IGSF21: variants seen among roughly 807,000 people sequenced by gnomAD.
The protein encoded by IGSF21 is immunoglobulin superfamily member 21.
IGSF21 carries 28 observed loss-of-function variants against 46.8 expected under a neutral mutation model. The observed-to-expected ratio is 0.60, with a 90% CI of 0.44 to 0.82. The LOEUF is 0.82. Ranked by LOEUF, IGSF21 falls within the 40% of genes least tolerant of loss-of-function variation. The pLI is 0.00. For missense variants in IGSF21, 624 were observed against 665.5 expected (o/e 0.94, Z 0.69); for synonymous variants, 284 against 273.6 (o/e 1.04, Z -0.38).
At chr1:18,319,291 A>AC (rs113595941) in intron 3 of IGSF21, among the ~76,000 whole-genome samples, 1 of 152,084 alleles carries the variant, frequency 6.6e-6, no homozygotes, top group Non-Finnish European at 1.5e-5. Flanking sequence ...AAAAGGACAC[A>AC]CCCCCTCCTA....
At chr1:18,177,607 C>G (rs1156785132) in intron 1 of IGSF21, among the ~76,000 whole-genome samples, 1 of 151,962 alleles carries the variant, frequency 6.6e-6, no homozygotes, top group Non-Finnish European at 1.5e-5. Flanking sequence ...AACACACTTA[C>G]TGATGTGGTG....
Position 18,108,087 on chromosome 1 carries a change from C to A in IGSF21, c.-42C>A. 1 of 1,023,288 alleles carries A rather than the reference C, an allele frequency of 9.8e-7. No individual in the cohort carries two copies. The highest frequency in any genetic ancestry group is 1.8e-5 in the South Asian group (1 of 55,330). 63.4% of individuals were successfully genotyped at this position (1,023,288 alleles called of 1,614,324 possible). A position where few individuals can be genotyped will look rare whatever the true frequency, so the allele number is the denominator to read the frequency against. On this transcript the variant is annotated 5_prime_UTR_variant, in exon 1 of 10. Coordinates refer to ENST00000251296, the MANE Select transcript of IGSF21 (RefSeq NM_032880.5). ...GCGAGGGGACCCGCCGCCACCGCCT[C>A]CACCCCCGCCGCCCCGCCACCGCCG...
rs188453325 is a variant in IGSF21, at chr1:18,189,719, G to A, written c.71-38179G>A. Among the ~76,000 whole-genome samples, 301 of 152,232 alleles carry A rather than the reference G, an allele frequency of 2.0e-3. 1 individual carries two copies. The highest frequency in any genetic ancestry group is 3.4e-3 in the Non-Finnish European group (228 of 68,016). On this transcript the variant is annotated intron_variant, in intron 1 of 9. Coordinates refer to ENST00000251296, the MANE Select transcript of IGSF21 (RefSeq NM_032880.5). ...GCTCCTATGAGAATCGAATGCCGCT[G>A]CTGATCTGACAGGAGGTGGAGCTCA... is the stretch of plus-strand genomic sequence containing the variant.
chr1:18,377,259 C>A (rs1043073563), intron 8 of IGSF21, 134 bp from the exon 9 acceptor site: 14 of 896,558 alleles, frequency 1.6e-5, no homozygotes, highest in Non-Finnish European at 2.5e-5. Context: ...CTATCCAGCT[C>A]CCCTGAAGGT....
chr1:18,296,622 T>C (rs2085314610), intron 3 of IGSF21, among the ~76,000 whole-genome samples: 1 of 152,196 alleles, frequency 6.6e-6, no homozygotes, highest in South Asian at 2.1e-4. Flanking sequence ...GAGTCCTTCC[T>C]GCGCCTGCCA....
chr1:18,313,605 G>A (rs962769558), intron 3 of IGSF21, among the ~76,000 whole-genome samples: 2 of 152,212 alleles, frequency 1.3e-5, no homozygotes. Flanking sequence ...TACCTGCTGT[G>A]AGCCAGATAT....
At chr1:18,251,082 T>A (rs1007966584) in intron 2 of IGSF21, among the ~76,000 whole-genome samples, 3 of 152,076 alleles carry the variant, frequency 2.0e-5, no homozygotes, top group Admixed American at 6.6e-5. Flanking sequence ...ATGGATGGGA[T>A]GAGCGTGGTC....
intron 1 of IGSF21, among the ~76,000 whole-genome samples, chr1:18,222,723 GGGA>G (rs2124501647): frequency 6.6e-6 from 1 of 152,162 alleles, no homozygotes; most frequent in East Asian, 1.9e-4. Context: ...AGGAAGGATG[GGGA>G]GGAGATTTTC....
At chr1:18,236,283 G>A (rs2084671964) in intron 2 of IGSF21, among the ~76,000 whole-genome samples, 1 of 152,184 alleles carries the variant, frequency 6.6e-6, no homozygotes, top group South Asian at 2.1e-4. Flanking sequence ...GAGTTCCCCT[G>A]CACAAGATCC....
rs1029519365 is a variant in IGSF21, at chr1:18,152,553, C to T, written c.70+44355C>T. Among the ~76,000 whole-genome samples, 5 of 152,246 alleles carry T rather than the reference C, an allele frequency of 3.3e-5. No homozygotes were observed. In the South Asian group the frequency reaches 6.2e-4, roughly 19 times the overall value. ...CACTTGACCTCTCTGAACCTTAGCT[C>T]GCTCATCTGCAAAGTGAGACCAGGC... On this transcript the variant is annotated intron_variant, in intron 1 of 9. Coordinates refer to ENST00000251296, the MANE Select transcript of IGSF21 (RefSeq NM_032880.5).
intron 3 of IGSF21, among the ~76,000 whole-genome samples, chr1:18,323,023 C>G (rs769294121): frequency 1.3e-5 from 2 of 152,146 alleles, no homozygotes; most frequent in Non-Finnish European, 2.9e-5. Flanking sequence ...CGGTCGGGAC[C>G]AGCGACCCCA....
chr1:18,194,997 C>T (rs2086993376), intron 1 of IGSF21, among the ~76,000 whole-genome samples: 1 of 152,214 alleles, frequency 6.6e-6, no homozygotes, highest in African/African-American at 2.4e-5. Flanking sequence ...ATTTATAAAA[C>T]CATCAGCTCC....
In IGSF21 at chr1:18,273,333, T is replaced by TCGC. The variant is rs1557618114; in HGVS notation, c.184-18532_184-18531insGCC. Among the ~76,000 whole-genome samples, 371 of 73,744 alleles carry TCGC rather than the reference T, an allele frequency of 5.0e-3. 35 individuals are homozygous for TCGC. The highest frequency in any genetic ancestry group is 0.013 in the African/African-American group (226 of 17,908). 48.4% of individuals were successfully genotyped at this position (73,744 alleles called of 152,430 possible). A position where few individuals can be genotyped will look rare whatever the true frequency, so the allele number is the denominator to read the frequency against. ...TGGGATTACAGGCATGAGCCACCATTCCTTTCCTTTCCTTTCCTTTCCTTT... is the reference window on the plus strand; with the variant it reads ...TGGGATTACAGGCATGAGCCACCATTCGCCCTTTCCTTTCCTTTCCTTTCCTTT... On this transcript the variant is annotated intron_variant, in intron 2 of 9. Coordinates refer to ENST00000251296, the MANE Select transcript of IGSF21 (RefSeq NM_032880.5).
At chr1:18,237,082 A>G (rs1458041680) in intron 2 of IGSF21, among the ~76,000 whole-genome samples, 4 of 152,230 alleles carry the variant, frequency 2.6e-5, no homozygotes. Flanking sequence ...CATGTCATTC[A>G]TAAAATTACA....
At chr1:18,215,892 T>C (rs1379027996) in intron 1 of IGSF21, among the ~76,000 whole-genome samples, 1 of 152,094 alleles carries the variant, frequency 6.6e-6, no homozygotes, top group Non-Finnish European at 1.5e-5. Context: ...CCCCGTAAGG[T>C]ACAGTGTTCA....
chr1:18,258,545 C>G (rs1251922065), intron 2 of IGSF21, among the ~76,000 whole-genome samples: 1 of 152,186 alleles, frequency 6.6e-6, no homozygotes, highest in Admixed American at 6.5e-5. Context: ...TTGGGCATGT[C>G]TGAGCCTCAG....
At chr1:18,212,573 G>A (rs2084403409) in intron 1 of IGSF21, among the ~76,000 whole-genome samples, 1 of 152,230 alleles carries the variant, frequency 6.6e-6, no homozygotes, top group South Asian at 2.1e-4. Context: ...GGCAGAATGA[G>A]GGCTAGCCCG....
intron 2 of IGSF21, among the ~76,000 whole-genome samples, chr1:18,277,783 G>A (rs1200988437): frequency 2.0e-5 from 3 of 152,148 alleles, no homozygotes; most frequent in South Asian, 4.1e-4. Context: ...TGGAATCTAC[G>A]TACCGTATAA....
At chr1:18,239,455 C>T (rs2084704626) in intron 2 of IGSF21, among the ~76,000 whole-genome samples, 1 of 152,138 alleles carries the variant, frequency 6.6e-6, no homozygotes, top group Non-Finnish European at 1.5e-5. Context: ...CCCCTCCCTG[C>T]CCCACACTTC....
Sources: gnomAD v4.1 joint callset for allele counts (sites outside exome capture counted in the v4.1 genomes callset) on GRCh38, gnomAD v4.1.1 for gene constraint, MANE v1.5 for transcripts, NCBI Gene and HGNC (gene_info 2026-07-23, HGNC 2026-07-21) for gene names.